The following MYT1L variants were observed in gnomAD, a reference collection of about 807,000 sequenced individuals.
The protein encoded by MYT1L is myelin transcription factor 1 like.
MYT1L carries 12 observed loss-of-function variants against 126.7 expected under a neutral mutation model. That is an observed-to-expected ratio of 0.09 (90% CI 0.06 to 0.15). MYT1L has a LOEUF of 0.15. Ranked by LOEUF, MYT1L falls within the 10% of genes least tolerant of loss-of-function variation. The pLI is 1.00. For synonymous variants in MYT1L, 541 were observed against 604.2 expected (o/e 0.90, Z 1.53); for missense variants, 979 against 1,585.2 (o/e 0.62, Z 6.49).
At chr2:1,855,359 A>G (rs971344697) in intron 18 of MYT1L, among the ~76,000 whole-genome samples, 1 of 152,192 alleles carries the variant, frequency 6.6e-6, no homozygotes, top group Non-Finnish European at 1.5e-5. Context: ...CCCAGGTGGG[A>G]CAATCAGCAT....
chr2:1,835,613 T>C (rs1328567785), intron 21 of MYT1L, among the ~76,000 whole-genome samples: 1 of 152,148 alleles, frequency 6.6e-6, no homozygotes, highest in African/African-American at 2.4e-5. Context: ...AGGTCCGGTG[T>C]GCTCAGGCCT....
chr2:2,158,361 G>C (rs1175462272), intron 3 of MYT1L, among the ~76,000 whole-genome samples: 2 of 152,206 alleles, frequency 1.3e-5, no homozygotes, highest in Non-Finnish European at 2.9e-5. Context: ...GTGAAACAGT[G>C]TGTTTGGCAT....
intron 3 of MYT1L, among the ~76,000 whole-genome samples, chr2:2,131,253 C>T (rs996332707): frequency 6.6e-6 from 1 of 152,174 alleles, no homozygotes; most frequent in Admixed American, 6.5e-5. Context: ...CATTAGGATG[C>T]ACATTACTTA....
chr2:2,220,149 A>C (rs2148975700), intron 2 of MYT1L, among the ~76,000 whole-genome samples: 1 of 152,298 alleles, frequency 6.6e-6, no homozygotes, highest in East Asian at 1.9e-4. Flanking sequence ...TTCTGAGCCA[A>C]ATATGAGTGA....
chr2:2,318,909 T>A (rs1457528927), intron 1 of MYT1L, among the ~76,000 whole-genome samples: 1 of 152,208 alleles, frequency 6.6e-6, no homozygotes, highest in African/African-American at 2.4e-5. Flanking sequence ...AAATGCTAAT[T>A]CTAACCTAAC....
chr2:2,236,764 T>C (rs2094319585), intron 2 of MYT1L, among the ~76,000 whole-genome samples: 1 of 17,172 alleles, frequency 5.8e-5, no homozygotes, highest in Non-Finnish European at 1.3e-4. Flanking sequence ...TCCTTTCTTC[T>C]TCTTCTTCTT....
At chr2:2,207,450 C>G (rs1369561281) in intron 2 of MYT1L, among the ~76,000 whole-genome samples, 1 of 152,154 alleles carries the variant, frequency 6.6e-6, no homozygotes, top group African/African-American at 2.4e-5. Flanking sequence ...CCAGCCTCAC[C>G]CTGTGTTGAG....
intron 18 of MYT1L, among the ~76,000 whole-genome samples, chr2:1,869,878 T>A (rs566881940): frequency 6.6e-6 from 1 of 152,218 alleles, no homozygotes; most frequent in Non-Finnish European, 1.5e-5. Context: ...CTGCTCACTA[T>A]ACCACACAGA....
In MYT1L at chr2:1,954,589, C is replaced by T. The variant is rs547049531; in HGVS notation, c.153-11255G>A. On this transcript the variant is annotated intron_variant, in intron 8 of 24. Coordinates refer to ENST00000647738, the MANE Select transcript of MYT1L (RefSeq NM_001303052.2). ...TGGTGTGCTGTGTTCACAGCAACCA[C>T]CGGGACAACATCAGCAGCAAGTGGC... is the stretch of plus-strand genomic sequence containing the variant. Among the ~76,000 whole-genome samples, 26 of 152,084 alleles carry T rather than the reference C, an allele frequency of 1.7e-4. 1 individual carries two copies. Among genetic ancestry groups the T allele is most frequent in the Admixed American group, 6.5e-5 (1 of 15,268 alleles).
At chr2:1,938,594 A>C (rs1259090810) in intron 9 of MYT1L, among the ~76,000 whole-genome samples, 1 of 152,240 alleles carries the variant, frequency 6.6e-6, no homozygotes, top group African/African-American at 2.4e-5. Context: ...GAAGGTGATC[A>C]GGAGAACACG....
chr2:2,071,514 A>G (rs908872198), intron 3 of MYT1L, among the ~76,000 whole-genome samples: 1 of 152,238 alleles, frequency 6.6e-6, no homozygotes, highest in African/African-American at 2.4e-5. Context: ...AGAAAAGCTC[A>G]GGACGCCATG....
intron 2 of MYT1L, among the ~76,000 whole-genome samples, chr2:2,213,295 G>C (rs148350411): frequency 1.4e-3 from 212 of 152,316 alleles, no homozygotes; most frequent in African/African-American, 4.8e-3. Context: ...CCCAGGGAGA[G>C]CCAGTGAACT....
intron 2 of MYT1L, among the ~76,000 whole-genome samples, chr2:2,221,660 C>CGTG (rs2093877055): frequency 6.6e-6 from 1 of 152,160 alleles, no homozygotes; most frequent in South Asian, 2.1e-4. Flanking sequence ...TCCATTACCC[C>CGTG]GTGGCAGGAA....
chr2:2,286,246 G>T (rs985259318), intron 1 of MYT1L, among the ~76,000 whole-genome samples: 11 of 152,122 alleles, frequency 7.2e-5, no homozygotes, highest in African/African-American at 2.7e-4. Flanking sequence ...CTCCCAATGT[G>T]CTGGGATTAC....
At chr2:2,112,597 T>G (rs2079602515) in intron 3 of MYT1L, among the ~76,000 whole-genome samples, 1 of 152,186 alleles carries the variant, frequency 6.6e-6, no homozygotes, top group East Asian at 1.9e-4. Context: ...CCCTGGAGTC[T>G]TGATACAATG....
At chr2:2,032,668 C>T (rs1309782693) in intron 4 of MYT1L, among the ~76,000 whole-genome samples, 13 of 97,788 alleles carry the variant, frequency 1.3e-4, no homozygotes, top group East Asian at 7.1e-4. Context: ...GAGGGCCTTA[C>T]ACACACCCCT....
At chr2:2,142,645 T>C (rs1405777103) in intron 3 of MYT1L, among the ~76,000 whole-genome samples, 2 of 152,142 alleles carry the variant, frequency 1.3e-5, no homozygotes, top group Non-Finnish European at 2.9e-5. Flanking sequence ...CCCACTGCCT[T>C]GTGAGCTGAT....
At chr2:1,817,994 C>T (rs1032415604) in intron 21 of MYT1L, among the ~76,000 whole-genome samples, 9 of 152,182 alleles carry the variant, frequency 5.9e-5, no homozygotes, top group Non-Finnish European at 1.3e-4. Flanking sequence ...AGGCCCCAGA[C>T]GTCTGGCACC....
At chr2:2,302,449 TC>T (rs2095799590) in intron 1 of MYT1L, among the ~76,000 whole-genome samples, 1 of 152,216 alleles carries the variant, frequency 6.6e-6, no homozygotes, top group Non-Finnish European at 1.5e-5. Flanking sequence ...GGGCCACTTT[TC>T]CTTTGAAATG....
Sources: gnomAD v4.1 joint callset for allele counts (sites outside exome capture counted in the v4.1 genomes callset) on GRCh38, gnomAD v4.1.1 for gene constraint, MANE v1.5 for transcripts, NCBI Gene and HGNC (gene_info 2026-07-23, HGNC 2026-07-21) for gene names.